The following FOXI3 variants were observed in gnomAD, a reference collection of about 807,000 sequenced individuals.
FOXI3 encodes forkhead box protein I3.
FOXI3 carries 4 observed loss-of-function variants against 15.6 expected under a neutral mutation model. The ratio of observed to expected loss-of-function variants is 0.26; its 90% CI spans 0.13 to 0.59. The LOEUF (loss-of-function observed/expected upper bound fraction) is 0.59, where lower values mean the gene tolerates loss of function less well. Among genes scored for constraint, FOXI3 ranks in the 20% least tolerant of loss-of-function variants. The pLI is 0.90. For missense variants in FOXI3, 489 were observed against 548.2 expected, an observed-to-expected ratio of 0.89 and a Z score of 1.08; for synonymous variants, 238 against 244.4, an observed-to-expected ratio of 0.97 and a Z score of 0.25.
At chr2:88,448,989 T>C (rs1220331258) in intron 1 of FOXI3, among the ~76,000 whole-genome samples, 160 bp from the exon 2 acceptor site, 1 of 152,228 alleles carries the variant, frequency 6.6e-6, no homozygotes, top group Non-Finnish European at 1.5e-5. Flanking sequence ...AATGTTACTC[T>C]TTGCTTCAGA....
rs1228262810 is a variant in FOXI3, at chr2:88,452,045, C to T, written c.491G>A (p.Arg164His). The T allele has an allele frequency of 3.1e-6, 5 of 1,591,284 alleles. No homozygotes were observed. The highest frequency in any genetic ancestry group is 4.3e-6 in the Non-Finnish European group (5 of 1,169,108). The part of the protein sequence containing the change: ...IAMAIQSAPE[R>H]KLTLSHIYQF... ...GTAGATGTGGCTGAGAGTGAGTTTG[C>T]GCTCGGGCGCGCTCTGAATGGCCAT... The change falls in exon 1 of 2, where the codon CGC becomes CAC. Residue 164 changes from arginine (R) to histidine (H), a missense_variant. Transcript: ENST00000428390.
In FOXI3 at chr2:88,452,407, G is replaced by C. The variant is rs1239457727; in HGVS notation, c.129C>G (p.Ala43=). The C allele has an allele frequency of 5.0e-6, 5 of 1,000,372 alleles. No homozygotes were observed. Among genetic ancestry groups the C allele is most frequent in the African/African-American group, 1.8e-5 (1 of 56,836 alleles). The allele number at this position is 1,000,372 out of a possible 1,614,324, so 62.0% of individuals were successfully genotyped here. The change falls in exon 1 of 2, where the codon GCC becomes GCG. Residue 43 remains alanine (A), a synonymous_variant. Transcript: ENST00000428390. ...GGTTGGCGGCGGCGGCCGGCGGCGC[G>C]GCGTAGTCGGCCAGCCCGTAAGGCG... is the stretch of plus-strand genomic sequence containing the variant. The part of the protein sequence containing the change: ...ARAPYGLADY[A]APPAAAANPY...
Position 88,448,454 on chromosome 2 carries a change from T to C in FOXI3, c.1016A>G (p.His339Arg), listed in dbSNP as rs1389294080. ...STQRALPGSR[H>R]LGIQGAQLPS... is the part of the protein sequence containing the mutation. ...CAGCTGGGCCCCCTGGATCCCTAGG[T>C]GGCGGCTGCCAGGGAGAGCCCGCTG... Residue 339 changes from histidine to arginine, a missense_variant, in exon 2 of 2, where the codon CAC (histidine) becomes CGC (arginine). Coordinates refer to ENST00000428390, the MANE Select transcript of FOXI3 (RefSeq NM_001135649.3). 3.9e-6 allele frequency: 6 copies of C among 1,551,576 alleles called. No individual in the cohort carries two copies. The highest frequency in any genetic ancestry group is 5.2e-6 in the Non-Finnish European group (6 of 1,146,956).
chr2:88,448,848 C>A lies in FOXI3; in HGVS notation c.641-19G>T. The A allele has an allele frequency of 6.5e-7, 1 of 1,538,430 alleles. No individual in the cohort carries two copies. Among genetic ancestry groups the A allele is most frequent in the Non-Finnish European group, 8.8e-7 (1 of 1,139,868 alleles). On this transcript the variant is annotated intron_variant, in intron 1 of 1. Transcript: ENST00000428390. Reference sequence around the variant, plus strand: ...CCCTTTCCTGAGAAGATGAGAAAGACCAAGTTAGAGAAGGACCTATTCAAT... The same window carrying A: ...CCCTTTCCTGAGAAGATGAGAAAGAACAAGTTAGAGAAGGACCTATTCAAT...
Position 88,448,169 on chromosome 2 carries a change from A to G in FOXI3, c.*38T>C, listed in dbSNP as rs185694614. On this transcript the variant is annotated 3_prime_UTR_variant, in exon 2 of 2. Coordinates refer to ENST00000428390, the MANE Select transcript of FOXI3 (RefSeq NM_001135649.3). ...TCTGCATTCTAATCAGCATGTGTGC[A>G]CGCCTCAGGTGTGCATACTCAAGTC... The G allele has an allele frequency of 3.8e-3, 5,717 of 1,523,052 alleles. 15 individuals are homozygous for G. The highest frequency in any genetic ancestry group is 4.6e-3 in the Non-Finnish European group (5,154 of 1,126,994). 94.3% of individuals were successfully genotyped at this position (1,523,052 alleles called of 1,614,324 possible).
In FOXI3 at chr2:88,448,154, A is replaced by C. The variant is rs1052567742; in HGVS notation, c.*53T>G. On this transcript the variant is annotated 3_prime_UTR_variant, in exon 2 of 2. Transcript: ENST00000428390. ...CCTACTGACTTGGAATCTGCATTCT[A>C]ATCAGCATGTGTGCACGCCTCAGGT... 35 of 1,467,286 alleles carry C rather than the reference A, an allele frequency of 2.4e-5. No homozygotes were observed. The highest frequency in any genetic ancestry group is 4.3e-5 in the Admixed American group (2 of 46,632). The allele number at this position is 1,467,286 out of a possible 1,614,324, so 90.9% of individuals were successfully genotyped here. A position where few individuals can be genotyped will look rare whatever the true frequency, so the allele number is the denominator to read the frequency against.
At position 88,448,559 on chromosome 2, in the gene FOXI3, G is replaced by C. The variant is rs1468052840; in HGVS notation, c.911C>G (p.Pro304Arg). 2 of 1,551,512 alleles carry C rather than the reference G, an allele frequency of 1.3e-6. No homozygotes were observed. The highest frequency in any genetic ancestry group is 2.7e-5 in the African/African-American group (2 of 73,040). The change falls in exon 2 of 2, where the codon CCC (proline) becomes CGC (arginine). Residue 304 changes from proline to arginine, a missense_variant. By Grantham distance (103) the Pro-to-Arg change is moderately radical. This residue lies in a region of FOXI3 where 263 missense variants were observed against 285.5 expected (regional missense o/e 0.92). Transcript: ENST00000428390. ...GAGACAAGGGGTGGAGGTGAGCATGGGTCCTCCAGGAGATGAGGCAGTACT... is the reference window on the plus strand; with the variant it reads ...GAGACAAGGGGTGGAGGTGAGCATGCGTCCTCCAGGAGATGAGGCAGTACT... Reference protein sequence around the residue: ...TKSTASSPGGPMLTSTPCLNT... With the variant: ...TKSTASSPGGRMLTSTPCLNT...
rs562206043 is a variant in FOXI3 at position 88,448,698 on chromosome 2, C to T, written c.772G>A (p.Glu258Lys). ...STVAAGTSKS[E>K]EGLSSGLGSG... Reference sequence around the variant, plus strand: ...CCCAATCCTGAGGAGAGCCCTTCTTCGGACTTTGATGTCCCAGCAGCCACT... The same window carrying T: ...CCCAATCCTGAGGAGAGCCCTTCTTTGGACTTTGATGTCCCAGCAGCCACT... Residue 258 changes from glutamate to lysine, a missense_variant, in exon 2 of 2, where the codon GAA (glutamate) becomes AAA (lysine). Glu to Lys is a moderately conservative substitution (Grantham distance 56). Coordinates refer to ENST00000428390, the MANE Select transcript of FOXI3 (RefSeq NM_001135649.3). 98 of 1,551,844 alleles carry T rather than the reference C, an allele frequency of 6.3e-5. No individual in the cohort carries two copies. In the South Asian group the frequency reaches 9.9e-4, roughly 16 times the overall value.
In FOXI3 at chr2:88,448,064, G is replaced by T; in HGVS notation, c.*143C>A. On this transcript the variant is annotated 3_prime_UTR_variant, in exon 2 of 2. Transcript: ENST00000428390. Reference sequence around the variant, plus strand: ...ACTACACCCTCATTACTCCAAGTGTGGTCAAAGGACCACGAGATCACCCAG... The same window carrying T: ...ACTACACCCTCATTACTCCAAGTGTTGTCAAAGGACCACGAGATCACCCAG... 1 of 715,566 alleles carries T rather than the reference G, an allele frequency of 1.4e-6. No individual in the cohort carries two copies. The highest frequency in any genetic ancestry group is 2.3e-6 in the Non-Finnish European group (1 of 438,092). The allele number at this position is 715,566 out of a possible 1,614,324, so 44.3% of individuals were successfully genotyped here.
Position 88,448,366 on chromosome 2 carries a change from C to A in FOXI3, c.1104G>T (p.Leu368=). The A allele has an allele frequency of 6.4e-7, 1 of 1,551,640 alleles. No individual in the cohort carries two copies. Among genetic ancestry groups the A allele is most frequent in the Non-Finnish European group, 8.7e-7 (1 of 1,146,988 alleles). Residue 368 remains leucine (L), a synonymous_variant, in exon 2 of 2, where the codon CTG becomes CTT. Coordinates refer to ENST00000428390, the MANE Select transcript of FOXI3 (RefSeq NM_001135649.3). The part of the protein sequence containing the change: ...ISEASADTLQ[L]SNSTSNSTGQ... Reference sequence around the variant, plus strand: ...CGGTGCTATTGCTGGTGCTATTGCTCAGTTGCAAGGTGTCTGCTGAGGCCT... The same window carrying A: ...CGGTGCTATTGCTGGTGCTATTGCTAAGTTGCAAGGTGTCTGCTGAGGCCT...
At chr2:88,451,097 T>A (rs1335960780) in intron 1 of FOXI3, among the ~76,000 whole-genome samples, 1 of 152,168 alleles carries the variant, frequency 6.6e-6, no homozygotes, top group East Asian at 1.9e-4. Flanking sequence ...TGTTCTGGGT[T>A]CCTTCTGAAA....
chr2:88,451,067 A>G (rs185722575), intron 1 of FOXI3, among the ~76,000 whole-genome samples: 1 of 152,178 alleles, frequency 6.6e-6, no homozygotes, highest in East Asian at 1.9e-4. Context: ...TTTTCCTATC[A>G]CAATCCCCTT....
intron 1 of FOXI3, among the ~76,000 whole-genome samples, chr2:88,450,423 C>CA (rs573651798): frequency 0.025 from 2,152 of 84,604 alleles, 38 homozygotes; most frequent in African/African-American, 0.071. Flanking sequence ...GAAATTGTCT[C>CA]AAAAAAAAAA....
At chr2:88,450,890 A>G (rs746321887) in intron 1 of FOXI3, among the ~76,000 whole-genome samples, 10 of 152,174 alleles carry the variant, frequency 6.6e-5, no homozygotes, top group Non-Finnish European at 1.2e-4. Flanking sequence ...TTATATGTTG[A>G]AACAATATTT....
At chr2:88,450,201 C>CG (rs1676017889) in intron 1 of FOXI3, among the ~76,000 whole-genome samples, 2 of 152,016 alleles carry the variant, frequency 1.3e-5, no homozygotes, top group African/African-American at 4.8e-5. Context: ...GAGGCCGAAA[C>CG]GGGTGGGTCA....
At chr2:88,450,959 G>A (rs1558611545) in intron 1 of FOXI3, among the ~76,000 whole-genome samples, 1 of 152,164 alleles carries the variant, frequency 6.6e-6, no homozygotes, top group Non-Finnish European at 1.5e-5. Context: ...AGTGACTTCA[G>A]GGATGAGCTC....
At chr2:88,450,423 C>CAA (rs573651798) in intron 1 of FOXI3, among the ~76,000 whole-genome samples, 233 of 84,728 alleles carry the variant, frequency 2.7e-3, no homozygotes, top group South Asian at 0.02. Context: ...GAAATTGTCT[C>CAA]AAAAAAAAAA....
Position 88,452,111 on chromosome 2 carries a change from T to C in FOXI3, c.425A>G (p.Lys142Arg), listed in dbSNP as rs1676058538. The change falls in exon 1 of 2, where the codon AAG becomes AGG. Residue 142 changes from lysine to arginine, a missense_variant. By Grantham distance (26) the Lys-to-Arg change is conservative. Coordinates refer to ENST00000428390, the MANE Select transcript of FOXI3 (RefSeq NM_001135649.3). ...LSMASREDLM[K>R]MVRPPYSYSA... is the part of the protein sequence containing the mutation. Reference sequence around the variant, plus strand: ...ATACGAGTAGGGCGGCCGCACCATCTTCATCAGGTCCTCGCGGCTGGCCAT... The same window carrying C: ...ATACGAGTAGGGCGGCCGCACCATCCTCATCAGGTCCTCGCGGCTGGCCAT... 1 of 1,554,612 alleles carries C rather than the reference T, an allele frequency of 6.4e-7. No individual in the cohort carries two copies. The highest frequency in any genetic ancestry group is 8.7e-7 in the Non-Finnish European group (1 of 1,149,404).
intron 1 of FOXI3, among the ~76,000 whole-genome samples, chr2:88,450,070 C>T (rs555021288): frequency 1.3e-5 from 2 of 152,224 alleles, no homozygotes; most frequent in Admixed American, 6.5e-5. Context: ...TGGCCTCAAG[C>T]GATCCTCCCA....
Sources: gnomAD v4.1 joint callset for allele counts (sites outside exome capture counted in the v4.1 genomes callset) on GRCh38, gnomAD v4.1.1 for gene constraint, gnomAD v4.1.1 regional missense constraint, MANE v1.5 for transcripts, NCBI Gene and HGNC (gene_info 2026-07-23, HGNC 2026-07-21) for gene names.